MCM9: variants seen among roughly 807,000 people sequenced by gnomAD.
MCM9 encodes the protein DNA helicase MCM9.
Under a neutral mutation model 72.8 loss-of-function variants are expected in MCM9, and 55 were observed. The ratio of observed to expected loss-of-function variants is 0.76; its 90% CI spans 0.61 to 0.95. MCM9 has a LOEUF of 0.95. Ranked by LOEUF, MCM9 falls within the 40% of genes least tolerant of loss-of-function variation. The pLI is 0.00. For synonymous variants in MCM9, 480 were observed against 503.4 expected (o/e 0.95, Z 0.62); for missense variants, 1,279 against 1,377.0 (o/e 0.93, Z 1.13).
At chr6:118,920,707 C>T (rs1458095403) in intron 5 of MCM9, 1 of 152,226 alleles carries the variant, frequency 6.6e-6, no homozygotes, top group Non-Finnish European at 1.5e-5. Flanking sequence ...TGTGCCTGCT[C>T]CCCCTCTCCC....
At chr6:118,830,602 CA>C (rs1306478006) in intron 9 of MCM9, among the ~76,000 whole-genome samples, 1 of 152,138 alleles carries the variant, frequency 6.6e-6, no homozygotes, top group Non-Finnish European at 1.5e-5. Flanking sequence ...AAGTAACCCA[CA>C]AAAGCACATT....
At chr6:118,929,621 T>C (rs1242016297) in intron 3 of MCM9, among the ~76,000 whole-genome samples, 2 of 152,202 alleles carry the variant, frequency 1.3e-5, no homozygotes, top group Non-Finnish European at 2.9e-5. Flanking sequence ...ATTTCCTAAA[T>C]AGCATTTCGA....
rs138267197 is a variant in MCM9, at chr6:118,917,801, G to A, written c.704-40C>T. The A allele has an allele frequency of 4.0e-3, 6,118 of 1,540,650 alleles. 16 individuals are homozygous for A. Among genetic ancestry groups the A allele is most frequent in the Non-Finnish European group, 4.9e-3 (5,479 of 1,113,534 alleles). On this transcript the variant is annotated intron_variant, in intron 5 of 13. Coordinates refer to ENST00000619706, the MANE Select transcript of MCM9 (RefSeq NM_017696.3). ...CAAGTGAGTCCAGCAGTAGCATCCT[G>A]CATGCTGAGCACAGACTCAAAATGA...
chr6:118,881,632 T>G (rs1030359819), intron 8 of MCM9, among the ~76,000 whole-genome samples: 5 of 152,090 alleles, frequency 3.3e-5, no homozygotes, highest in Admixed American at 6.6e-5. Context: ...GAAAACAGCG[T>G]TAAAAACATC....
rs116077778 is a variant in MCM9 at position 118,825,482 on chromosome 6, T to C, written c.1961+665A>G. On this transcript the variant is annotated intron_variant, in intron 13 of 13. Transcript: ENST00000619706. The stretch of plus-strand genomic sequence containing the variant: ...AAATTCTTTGCAGCTGTTCCACTTT[T>C]TCATGTACTTCATTCACCAGACCCC... Among the ~76,000 whole-genome samples the C allele has an allele frequency of 1.8e-3, 277 of 152,252 alleles. 1 individual carries two copies. The highest frequency in any genetic ancestry group is 0.01 in the South Asian group (50 of 4,824).
Position 118,839,687 on chromosome 6 carries a change from C to T in MCM9, c.1326-10437G>A, listed in dbSNP as rs543144297. Among the ~76,000 whole-genome samples, 3 of 152,304 alleles carry T rather than the reference C, an allele frequency of 2.0e-5. No homozygotes were observed. In the East Asian group the frequency reaches 5.8e-4, roughly 29 times the overall value. On this transcript the variant is annotated intron_variant, in intron 9 of 13. Coordinates refer to ENST00000619706, the MANE Select transcript of MCM9 (RefSeq NM_017696.3). ...CTCCTTCTAACAGGCCCCTCTGCTG[C>T]AGGTCTGCTGGCGTTTGCTGGAGGT...
rs1252204396 is a variant in MCM9 at position 118,919,659 on chromosome 6, T to TTCAC, written c.704-1902_704-1899dup. 2.6e-5 allele frequency: 4 copies of TTCAC among 152,356 alleles called. No individual in the cohort carries two copies. In the East Asian group the frequency reaches 5.8e-4, roughly 22 times the overall value. 9.4% of individuals were successfully genotyped at this position (152,356 alleles called of 1,614,324 possible). On this transcript the variant is annotated intron_variant, in intron 5 of 13. Coordinates refer to ENST00000619706, the MANE Select transcript of MCM9 (RefSeq NM_017696.3). ...ACATGATAGTCCAAGACAACAGATA[T>TTCAC]TCACCTTAAACTTCTGTATTTTTCA...
intron 8 of MCM9, among the ~76,000 whole-genome samples, chr6:118,863,328 G>C (rs1267274607): frequency 6.6e-6 from 1 of 152,128 alleles, no homozygotes; most frequent in Non-Finnish European, 1.5e-5. Context: ...ACTTAGAATA[G>C]TTGTAAATGC....
intron 6 of MCM9, among the ~76,000 whole-genome samples, chr6:118,914,168 T>G (rs573225427): frequency 1.3e-5 from 2 of 152,178 alleles, no homozygotes; most frequent in Non-Finnish European, 2.9e-5. Flanking sequence ...ATCAAGGCAT[T>G]AAGAAGATCA....
At chr6:118,900,864 CAT>C (rs1779757061) in intron 8 of MCM9, 1 of 1,611,288 alleles carries the variant, frequency 6.2e-7, no homozygotes, top group Admixed American at 1.7e-5. Context: ...CGCAGGAAGG[CAT>C]ATGTTTGTAT....
intron 9 of MCM9, among the ~76,000 whole-genome samples, chr6:118,830,690 A>G (rs1420912259): frequency 6.6e-6 from 1 of 152,228 alleles, no homozygotes; most frequent in East Asian, 1.9e-4. Flanking sequence ...ACAAAATACA[A>G]TTGCATATGA....
At position 118,931,689 on chromosome 6, in the gene MCM9, A is replaced by C. The variant is rs780498444; in HGVS notation, c.35T>G (p.Val12Gly). 5.0e-6 allele frequency: 8 copies of C among 1,613,776 alleles called. No homozygotes were observed. Among genetic ancestry groups the C allele is most frequent in the African/African-American group, 2.7e-5 (2 of 74,872 alleles). ...NSDQVTLVGQ[V>G]FESYVSEYHK... is the part of the protein sequence containing the mutation. ...GTATTCCGAAACATATGACTCAAAC[A>C]CTTGACCAACCAGTGTAACTTGATC... The change falls in exon 3 of 14, where the codon GTG becomes GGG. Residue 12 changes from valine (V) to glycine (G), a missense_variant. By Grantham distance (109) the Val-to-Gly change is moderately radical. Transcript: ENST00000619706.
intron 8 of MCM9, among the ~76,000 whole-genome samples, chr6:118,903,866 C>T (rs1376102514): frequency 6.6e-6 from 1 of 152,066 alleles, no homozygotes; most frequent in African/African-American, 2.4e-5. Context: ...GGATTACAGG[C>T]GTGAGCCACC....
At chr6:118,825,785 C>T (rs1230435363) in intron 13 of MCM9, among the ~76,000 whole-genome samples, 1 of 152,100 alleles carries the variant, frequency 6.6e-6, no homozygotes, top group Non-Finnish European at 1.5e-5. Flanking sequence ...TTTAATGAGT[C>T]ATTAGAAAGG....
At chr6:118,899,281 C>T (rs1005332043) in intron 8 of MCM9, among the ~76,000 whole-genome samples, 3 of 152,208 alleles carry the variant, frequency 2.0e-5, no homozygotes, top group African/African-American at 7.2e-5. Context: ...TCCCATGCCA[C>T]GCAGTGTGAA....
At chr6:118,857,081 C>T (rs1776607783) in intron 8 of MCM9, among the ~76,000 whole-genome samples, 1 of 152,136 alleles carries the variant, frequency 6.6e-6, no homozygotes, top group South Asian at 2.1e-4. Context: ...TATTTTGTAG[C>T]AACCAGAAGT....
chr6:118,837,182 G>T (rs1447239993), intron 9 of MCM9, among the ~76,000 whole-genome samples: 1 of 152,194 alleles, frequency 6.6e-6, no homozygotes, highest in Non-Finnish European at 1.5e-5. Context: ...TTTTGAATGA[G>T]TTTCTTAATC....
chr6:118,822,085 G>A (rs1773852757), intron 13 of MCM9, among the ~76,000 whole-genome samples: 1 of 152,134 alleles, frequency 6.6e-6, no homozygotes, highest in Non-Finnish European at 1.5e-5. Context: ...CCTTTAGCTT[G>A]GAGGAGTTTG....
intron 8 of MCM9, among the ~76,000 whole-genome samples, chr6:118,872,380 G>A (rs1432550742): frequency 6.6e-6 from 1 of 151,404 alleles, no homozygotes; most frequent in African/African-American, 2.4e-5. Context: ...TCTGAAGACT[G>A]AACAAAACAG....
Sources: gnomAD v4.1 joint callset for allele counts (sites outside exome capture counted in the v4.1 genomes callset) on GRCh38, gnomAD v4.1.1 for gene constraint, MANE v1.5 for transcripts, NCBI Gene and HGNC (gene_info 2026-07-23, HGNC 2026-07-21) for gene names.